CRYBG1: variants seen among roughly 807,000 people sequenced by gnomAD.
The protein encoded by CRYBG1 is beta/gamma crystallin domain-containing protein 1.
Under a neutral mutation model 189.2 loss-of-function variants are expected in CRYBG1, and 139 were observed. The ratio of observed to expected loss-of-function variants is 0.73; its 90% CI spans 0.64 to 0.85. CRYBG1 has a LOEUF of 0.85. Ranked by LOEUF, CRYBG1 falls within the 40% of genes least tolerant of loss-of-function variation. CRYBG1 has a pLI of 0.00. For synonymous variants in CRYBG1, 1,023 were observed against 1,017.1 expected (o/e 1.01, Z -0.11); for missense variants, 2,611 against 2,675.8 (o/e 0.98, Z 0.53).
chr6:106,368,266 T>TAC (rs1166548682), intron 1 of CRYBG1, among the ~76,000 whole-genome samples: 42 of 149,798 alleles, frequency 2.8e-4, no homozygotes, highest in African/African-American at 1.0e-3. Context: ...AAAAGATACA[T>TAC]ACACACACAT....
At chr6:106,374,029 G>T (rs1483834413) in intron 1 of CRYBG1, among the ~76,000 whole-genome samples, 1 of 152,204 alleles carries the variant, frequency 6.6e-6, no homozygotes, top group East Asian at 1.9e-4. Flanking sequence ...ACTCAGAAAG[G>T]TAAGTAACTG....
At chr6:106,522,089 G>C (rs574673744) in intron 4 of CRYBG1, among the ~76,000 whole-genome samples, 1 of 152,242 alleles carries the variant, frequency 6.6e-6, no homozygotes, top group Non-Finnish European at 1.5e-5. Flanking sequence ...GAAAGGTATA[G>C]GTAAGCTTTT....
chr6:106,505,874 G>C lies in CRYBG1; in HGVS notation c.313-5556G>C, dbSNP rs146668572. On this transcript the variant is annotated intron_variant, in intron 2 of 21. Coordinates refer to ENST00000633556, the MANE Select transcript of CRYBG1 (RefSeq NM_001371242.2). ...CATTCCCATGTGGCTGAATTGAAAA[G>C]CTAAGGTATCTTTCAGAAATCAACA... 1.1e-4 allele frequency among the ~76,000 whole-genome samples: 17 copies of C among 152,196 alleles called. No homozygotes were observed. The East Asian group carries it at 3.1e-3, about 28-fold the overall frequency.
At chr6:106,513,819 T>C (rs1773355691) in intron 3 of CRYBG1, among the ~76,000 whole-genome samples, 1 of 152,238 alleles carries the variant, frequency 6.6e-6, no homozygotes, top group African/African-American at 2.4e-5. Context: ...TGGTTGCTTC[T>C]TCCTCCTTGT....
rs570134927 is a variant in CRYBG1, at chr6:106,397,503, G to C, written c.173+36422G>C. On this transcript the variant is annotated intron_variant, in intron 1 of 21. Coordinates refer to ENST00000633556, the MANE Select transcript of CRYBG1 (RefSeq NM_001371242.2). ...GAAGTAAGAGGTTAGGAGCTTTATG[G>C]GTTGGGCACTTTTAAGGAGCTTGGT... Among the ~76,000 whole-genome samples, 15 of 152,272 alleles carry C rather than the reference G, an allele frequency of 9.9e-5. 1 individual carries two copies. The South Asian group carries it at 3.1e-3, about 32-fold the overall frequency.
intron 1 of CRYBG1, among the ~76,000 whole-genome samples, chr6:106,403,930 C>A (rs146846683): frequency 3.3e-5 from 5 of 152,312 alleles, no homozygotes; most frequent in African/African-American, 9.6e-5. Context: ...AGAAGGGGAA[C>A]TCATGAGAGA....
chr6:106,482,173 C>T (rs927928865), intron 2 of CRYBG1, among the ~76,000 whole-genome samples: 2 of 152,304 alleles, frequency 1.3e-5, no homozygotes, highest in Admixed American at 6.5e-5. Flanking sequence ...GAATTCATCT[C>T]CTTGAAGTTG....
At chr6:106,429,582 C>A (rs77676666) in intron 1 of CRYBG1, among the ~76,000 whole-genome samples, 3,888 of 152,216 alleles carry the variant, frequency 0.026, 166 homozygotes, top group African/African-American at 0.089. Flanking sequence ...ATGAAAGTAA[C>A]CAAATGATGA....
intron 2 of CRYBG1, among the ~76,000 whole-genome samples, chr6:106,464,515 A>C (rs2114457727): frequency 6.6e-6 from 1 of 152,120 alleles, no homozygotes; most frequent in South Asian, 2.1e-4. Flanking sequence ...AAAATCTGAA[A>C]GTCAACATGC....
At chr6:106,480,148 A>G (rs183139391) in intron 2 of CRYBG1, among the ~76,000 whole-genome samples, 6 of 152,180 alleles carry the variant, frequency 3.9e-5, no homozygotes, top group African/African-American at 1.4e-4. Context: ...TCTCAGTGAC[A>G]TGATGCCAGG....
chr6:106,451,798 G>C lies in CRYBG1; in HGVS notation c.278G>C (p.Gly93Ala), dbSNP rs931306721. Residue 93 changes from glycine (G) to alanine (A), a missense_variant, in exon 2 of 22, where the codon GGT becomes GCT. Physicochemically the swap from Gly to Ala is moderately conservative, Grantham distance 60. Around this residue, in one of 3 missense-constraint regions of CRYBG1, gnomAD observed 985 missense variants for 924.4 expected, o/e 1.07. Coordinates refer to ENST00000633556, the MANE Select transcript of CRYBG1 (RefSeq NM_001371242.2). ...QFFHTTSEAL[G>A]SLLLESGIFK... ...TTCCACACCACCAGTGAGGCGCTTG[G>C]TTCCTTACTTCTAGAGTCTGGAATA... is the stretch of plus-strand genomic sequence containing the variant. The C allele has an allele frequency of 1.1e-4, 170 of 1,534,930 alleles. No individual in the cohort carries two copies. The highest frequency in any genetic ancestry group is 1.4e-4 in the Non-Finnish European group (166 of 1,146,554).
In CRYBG1 at chr6:106,549,881, C is replaced by T. The variant is rs568983803; in HGVS notation, c.5313-1971C>T. Among the ~76,000 whole-genome samples, 47 of 152,150 alleles carry T rather than the reference C, an allele frequency of 3.1e-4. 1 individual carries two copies. The South Asian group carries it at 9.1e-3, about 30-fold the overall frequency. ...CTTTGGATAGTAAAATCATAATCTG[C>T]TCTAATTATAAAGTGTGTGGACTGT... On this transcript the variant is annotated intron_variant, in intron 13 of 21. Transcript: ENST00000633556.
Position 106,525,391 on chromosome 6 carries a change from G to C in CRYBG1, c.4412+5G>C. 6.2e-7 allele frequency: 1 copy of C among 1,606,652 alleles called. No individual in the cohort carries two copies. The highest frequency in any genetic ancestry group is 8.5e-7 in the Non-Finnish European group (1 of 1,173,250). ...CATAAAAGTTGTTAGAGGATGGTAAGAATGGCACTTTAAGTTCCTGATGTC... is the reference window on the plus strand; with the variant it reads ...CATAAAAGTTGTTAGAGGATGGTAACAATGGCACTTTAAGTTCCTGATGTC... On this transcript the variant is annotated splice_donor_5th_base_variant and intron_variant, in intron 6 of 21. Coordinates refer to ENST00000633556, the MANE Select transcript of CRYBG1 (RefSeq NM_001371242.2).
intron 1 of CRYBG1, among the ~76,000 whole-genome samples, chr6:106,396,127 G>A (rs1349208821): frequency 6.6e-6 from 1 of 152,198 alleles, no homozygotes; most frequent in African/African-American, 2.4e-5. Context: ...GGATGCCTAA[G>A]TGCCAGCTTG....
At chr6:106,391,569 C>CT (rs34830012) in intron 1 of CRYBG1, among the ~76,000 whole-genome samples, 54,029 of 149,284 alleles carry the variant, frequency 0.36, 9,912 homozygotes, top group East Asian at 0.55. Flanking sequence ...GACCATCAGT[C>CT]TTTTTTTTTT....
intron 2 of CRYBG1, among the ~76,000 whole-genome samples, chr6:106,500,926 T>C (rs1772994973): frequency 6.6e-6 from 1 of 152,166 alleles, no homozygotes. Context: ...TCAGGTTCGG[T>C]GATAGGTGAT....
chr6:106,402,313 G>A, intron 1 of CRYBG1, among the ~76,000 whole-genome samples: 1 of 70,570 alleles, frequency 1.4e-5, no homozygotes, highest in Non-Finnish European at 2.7e-5. Flanking sequence ...AGTTCATATG[G>A]AACCAAAAAA....
intron 9 of CRYBG1, 38 bp downstream of exon 9, chr6:106,539,567 T>C: frequency 1.3e-6 from 2 of 1,582,816 alleles, no homozygotes; most frequent in Non-Finnish European, 1.7e-6. Flanking sequence ...GGTGATTCTT[T>C]GTCAGCTTGA....
intron 21 of CRYBG1, among the ~76,000 whole-genome samples, 160 bp from the exon 22 acceptor site, chr6:106,568,312 A>AG (rs1323449522): frequency 2.0e-5 from 3 of 152,236 alleles, no homozygotes; most frequent in African/African-American, 7.2e-5. Context: ...CTCATCCCAC[A>AG]GGGGCCCAGG....
Sources: allele counts gnomAD v4.1 joint callset (sites outside exome capture counted in the v4.1 genomes callset), GRCh38; gene constraint gnomAD v4.1.1; regional missense constraint gnomAD v4.1.1; transcripts MANE v1.5; gene names NCBI Gene and HGNC (gene_info 2026-07-23, HGNC 2026-07-21).